NALCN: variants seen among roughly 807,000 people sequenced by gnomAD.
NALCN encodes the protein sodium leak channel, non-selective, also known as sodium leak channel NALCN.
Under a neutral mutation model 225.3 loss-of-function variants are expected in NALCN, and 111 were observed. The ratio of observed to expected loss-of-function variants is 0.49; its 90% CI spans 0.42 to 0.58. The LOEUF is 0.58. NALCN is among the 20% of genes least tolerant of loss of function. The probability of loss-of-function intolerance (pLI) is 0.00; values close to 1 mark genes in which losing one functional copy is unlikely to be tolerated. For synonymous variants in NALCN, 764 were observed against 769.0 expected, an observed-to-expected ratio of 0.99 and a Z score of 0.11; for missense variants, 1,378 against 2,202.4, an observed-to-expected ratio of 0.63 and a Z score of 7.49.
chr13:101,156,799 G>T (rs937211085), intron 15 of NALCN, among the ~76,000 whole-genome samples: 1 of 152,148 alleles, frequency 6.6e-6, no homozygotes, highest in Non-Finnish European at 1.5e-5. Flanking sequence ...TAGAGGCATG[G>T]AAAATACGTA....
At chr13:101,311,989 C>G (rs2044363835) in intron 7 of NALCN, among the ~76,000 whole-genome samples, 1 of 151,124 alleles carries the variant, frequency 6.6e-6, no homozygotes, top group African/African-American at 2.4e-5. Context: ...CCATCTGGTC[C>G]CGGACTTTTT....
At chr13:101,233,507 A>AT (rs1257840700) in intron 12 of NALCN, among the ~76,000 whole-genome samples, 1 of 151,586 alleles carries the variant, frequency 6.6e-6, no homozygotes, top group African/African-American at 2.4e-5. Context: ...CGCCTGGCTA[A>AT]TTTTTTGTAT....
intron 39 of NALCN, 113 bp from the exon 40 acceptor site, chr13:101,065,674 C>T: frequency 7.5e-7 from 1 of 1,334,906 alleles, no homozygotes; most frequent in Non-Finnish European, 1.0e-6. Flanking sequence ...TAATTAGCAC[C>T]AGATGTGAAG....
intron 3 of NALCN, among the ~76,000 whole-genome samples, chr13:101,379,269 G>A (rs1473731365): frequency 1.3e-5 from 2 of 152,158 alleles, no homozygotes; most frequent in African/African-American, 4.8e-5. Flanking sequence ...CTGTTGGTGG[G>A]AGTGTAAATT....
chr13:101,260,335 G>A (rs1259697424), intron 10 of NALCN, among the ~76,000 whole-genome samples: 12 of 152,180 alleles, frequency 7.9e-5, no homozygotes, highest in Non-Finnish European at 1.5e-5. Flanking sequence ...GCAAACATGG[G>A]AGTGAAGATT....
At chr13:101,393,693 G>C (rs1385644830) in intron 3 of NALCN, among the ~76,000 whole-genome samples, 2 of 152,242 alleles carry the variant, frequency 1.3e-5, no homozygotes, top group Non-Finnish European at 2.9e-5. Flanking sequence ...TGTAATCCCA[G>C]CTACTTGGGA....
At chr13:101,415,424 A>G (rs2047914804) in intron 1 of NALCN, among the ~76,000 whole-genome samples, 2 of 152,092 alleles carry the variant, frequency 1.3e-5, no homozygotes, top group Non-Finnish European at 2.9e-5. Flanking sequence ...GTGTATTCAC[A>G]CATCCTTAAT....
Position 101,395,249 on chromosome 13 carries a change from A to T in NALCN, c.225T>A (p.Asp75Glu). Residue 75 changes from aspartate to glutamate, a missense_variant, in exon 3 of 44, where the codon GAT becomes GAA. Coordinates refer to ENST00000251127, the MANE Select transcript of NALCN (RefSeq NM_052867.4). ...CCGTGTAGAGAAACATCAATAATGT[A>T]TCCAAAGTGAAGGTCACATACTGAA... The part of the protein sequence containing the change: ...PPLQYVTFTL[D>E]TLLMFLYTAE... 6.2e-7 allele frequency: 1 copy of T among 1,614,110 alleles called. No homozygotes were observed. Among genetic ancestry groups the T allele is most frequent in the Non-Finnish European group, 8.5e-7 (1 of 1,179,964 alleles).
chr13:101,071,456 T>A (rs1301689302), intron 37 of NALCN, among the ~76,000 whole-genome samples: 1 of 152,228 alleles, frequency 6.6e-6, no homozygotes, highest in African/African-American at 2.4e-5. Context: ...TCAGCAGCAC[T>A]TACACTTTCA....
chr13:101,096,505 T>C (rs922392084), intron 27 of NALCN, among the ~76,000 whole-genome samples: 19 of 152,156 alleles, frequency 1.2e-4, no homozygotes, highest in Admixed American at 7.2e-4. Flanking sequence ...CATATAGAAG[T>C]CCAGAACAGT....
At chr13:101,156,917 T>A (rs7322213) in intron 15 of NALCN, among the ~76,000 whole-genome samples, 123,204 of 152,136 alleles carry the variant, frequency 0.81, 50,084 homozygotes, top group East Asian at 0.99. Context: ...ATCATTTTTG[T>A]GTATGTCTGT....
intron 1 of NALCN, among the ~76,000 whole-genome samples, chr13:101,401,770 C>A (rs976883887): frequency 6.6e-5 from 10 of 152,112 alleles, no homozygotes; most frequent in Non-Finnish European, 1.2e-4. Context: ...TCTCACAGTG[C>A]CCAAGAAATG....
In NALCN at chr13:101,353,277, T is replaced by C. The variant is rs558584425; in HGVS notation, c.645-7857A>G. Among the ~76,000 whole-genome samples, 5 of 152,304 alleles carry C rather than the reference T, an allele frequency of 3.3e-5. No individual in the cohort carries two copies. The East Asian group carries it at 9.7e-4, about 29-fold the overall frequency. On this transcript the variant is annotated intron_variant, in intron 6 of 43. Coordinates refer to ENST00000251127, the MANE Select transcript of NALCN (RefSeq NM_052867.4). ...TATAAAAATTTAGCAAGACACATTA[T>C]CTTGCTAAAAGCTGACCCCTAGATT... is the stretch of plus-strand genomic sequence containing the variant.
At chr13:101,412,905 T>A (rs1376418395) in intron 1 of NALCN, among the ~76,000 whole-genome samples, 2 of 152,206 alleles carry the variant, frequency 1.3e-5, no homozygotes, top group Non-Finnish European at 2.9e-5. Flanking sequence ...TTGCATTGAT[T>A]TTTTTCTTTT....
At chr13:101,341,529 C>T (rs1004420591) in intron 7 of NALCN, among the ~76,000 whole-genome samples, 1 of 152,164 alleles carries the variant, frequency 6.6e-6, no homozygotes, top group South Asian at 2.1e-4. Context: ...CTGAGAAAAG[C>T]TGCATCCTTC....
intron 15 of NALCN, among the ~76,000 whole-genome samples, chr13:101,172,672 G>C (rs1339597523): frequency 6.6e-6 from 1 of 152,164 alleles, no homozygotes; most frequent in African/African-American, 2.4e-5. Flanking sequence ...CCATTCTCCT[G>C]CCTCAGCCTC....
In NALCN at chr13:101,284,178, A is replaced by C. The variant is rs189104422; in HGVS notation, c.1048-159T>G. Among the ~76,000 whole-genome samples the C allele has an allele frequency of 1.8e-3, 267 of 152,316 alleles. 1 individual carries two copies. The highest frequency in any genetic ancestry group is 6.2e-3 in the African/African-American group (256 of 41,564). On this transcript the variant is annotated intron_variant, in intron 9 of 43. Coordinates refer to ENST00000251127, the MANE Select transcript of NALCN (RefSeq NM_052867.4). ...TTTCAATTATAGTTCTTTAACATTG[A>C]AAGCTTAAATGAATGAAAAAAGAAC...
At chr13:101,282,735 A>C (rs1488226990) in intron 10 of NALCN, among the ~76,000 whole-genome samples, 1 of 152,192 alleles carries the variant, frequency 6.6e-6, no homozygotes, top group Non-Finnish European at 1.5e-5. Flanking sequence ...ATCGTTTTAC[A>C]CTGTGTACAT....
At chr13:101,094,882 A>G (rs2034422447) in intron 28 of NALCN, among the ~76,000 whole-genome samples, 2 of 152,176 alleles carry the variant, frequency 1.3e-5, no homozygotes. Context: ...ATTCTTACAC[A>G]TTTTCTAAAA....
Sources: gnomAD v4.1 joint callset for allele counts (sites outside exome capture counted in the v4.1 genomes callset) on GRCh38, gnomAD v4.1.1 for gene constraint, MANE v1.5 for transcripts, NCBI Gene and HGNC (gene_info 2026-07-23, HGNC 2026-07-21) for gene names.